MLLT3: variants seen among roughly 807,000 people sequenced by gnomAD.
MLLT3 encodes the protein MLLT3 super elongation complex subunit.
A neutral mutation model predicts 53.2 loss-of-function variants in MLLT3; 4 were observed. That is an observed-to-expected ratio of 0.08 (90% CI 0.04 to 0.17). MLLT3 has a LOEUF of 0.17. MLLT3 is among the 10% of genes least tolerant of loss of function. MLLT3 has a pLI of 1.00. For synonymous variants in MLLT3, 283 were observed against 230.6 expected (o/e 1.23, Z -2.06); for missense variants, 569 against 684.0 (o/e 0.83, Z 1.87).
chr9:20,560,178 T>G (rs1563817610), intron 2 of MLLT3, among the ~76,000 whole-genome samples: 1 of 151,956 alleles, frequency 6.6e-6, no homozygotes, highest in Admixed American at 6.6e-5. Flanking sequence ...GCCTGGGAAA[T>G]AGCAAAATAA....
intron 2 of MLLT3, among the ~76,000 whole-genome samples, chr9:20,566,363 G>A (rs1819378370): frequency 1.3e-5 from 2 of 151,944 alleles, no homozygotes; most frequent in Non-Finnish European, 2.9e-5. Context: ...AACACTTATT[G>A]TACCTATCAC....
At chr9:20,386,796 G>GAT (rs147493495) in intron 5 of MLLT3, among the ~76,000 whole-genome samples, 18 of 152,016 alleles carry the variant, frequency 1.2e-4, no homozygotes, top group South Asian at 2.1e-4. Context: ...CTATTTTCTG[G>GAT]ATATATATAT....
At chr9:20,519,156 C>T (rs571659385) in intron 2 of MLLT3, among the ~76,000 whole-genome samples, 4 of 152,098 alleles carry the variant, frequency 2.6e-5, no homozygotes, top group African/African-American at 7.2e-5. Flanking sequence ...ATGTGGTATC[C>T]TAGATTAGAT....
rs138807683 is a variant in MLLT3, at chr9:20,392,990, T to C, written c.1125+20731A>G. Among the ~76,000 whole-genome samples, 687 of 152,234 alleles carry C rather than the reference T, an allele frequency of 4.5e-3. 5 individuals carry two copies. Among genetic ancestry groups the C allele is most frequent in the Non-Finnish European group, 8.1e-3 (551 of 67,996 alleles). On this transcript the variant is annotated intron_variant, in intron 5 of 10. Coordinates refer to ENST00000380338, the MANE Select transcript of MLLT3 (RefSeq NM_004529.4). ...GACCAACATGATAAAACCCTGTCTC[T>C]ACTAAAAATACAAAATTAGCTGGGC...
At chr9:20,616,091 C>G (rs1820828109) in intron 2 of MLLT3, among the ~76,000 whole-genome samples, 1 of 152,026 alleles carries the variant, frequency 6.6e-6, no homozygotes, top group Non-Finnish European at 1.5e-5. Context: ...ATGCGTTCTT[C>G]AATTTGTAAG....
At chr9:20,576,300 GCA>G (rs1819652363) in intron 2 of MLLT3, among the ~76,000 whole-genome samples, 2 of 152,140 alleles carry the variant, frequency 1.3e-5, no homozygotes, top group East Asian at 3.9e-4. Flanking sequence ...CTCCATATCA[GCA>G]ATAAGGCTAT....
chr9:20,384,182 G>A (rs1196489863), intron 5 of MLLT3, among the ~76,000 whole-genome samples: 2 of 151,848 alleles, frequency 1.3e-5, no homozygotes, highest in Non-Finnish European at 2.9e-5. Context: ...GTAGTAAAAA[G>A]ACAAAAACAG....
chr9:20,426,599 T>C lies in MLLT3; in HGVS notation c.421-12174A>G, dbSNP rs138976607. 9.1e-3 allele frequency among the ~76,000 whole-genome samples: 1,384 copies of C among 152,220 alleles called. 22 individuals are homozygous for C. The highest frequency in any genetic ancestry group is 0.031 in the African/African-American group (1,291 of 41,552). On this transcript the variant is annotated intron_variant, in intron 4 of 10. Coordinates refer to ENST00000380338, the MANE Select transcript of MLLT3 (RefSeq NM_004529.4). ...TCTTGTTACCTTCTCTCAGTAGTTA[T>C]TTTATACATATTTATGAGGTCTCCA...
At chr9:20,569,667 G>A (rs988036050) in intron 2 of MLLT3, among the ~76,000 whole-genome samples, 1 of 152,120 alleles carries the variant, frequency 6.6e-6, no homozygotes, top group Non-Finnish European at 1.5e-5. Flanking sequence ...CGGTGTCCTT[G>A]GTATTTAGAA....
intron 10 of MLLT3, among the ~76,000 whole-genome samples, chr9:20,350,826 A>T (rs994071503): frequency 6.6e-6 from 1 of 152,166 alleles, no homozygotes; most frequent in East Asian, 1.9e-4. Context: ...CCCTTCCCCA[A>T]TTTTTAATTA....
intron 2 of MLLT3, among the ~76,000 whole-genome samples, chr9:20,533,863 G>C (rs1818407689): frequency 6.6e-6 from 1 of 152,178 alleles, no homozygotes; most frequent in African/African-American, 2.4e-5. Context: ...TAGAAGCAAA[G>C]AAAGGTTGTT....
chr9:20,536,145 T>C (rs1231385921), intron 2 of MLLT3, among the ~76,000 whole-genome samples: 1 of 151,954 alleles, frequency 6.6e-6, no homozygotes, highest in Non-Finnish European at 1.5e-5. Context: ...AATTCAGCCA[T>C]GCGACTACCA....
chr9:20,580,319 G>C (rs1327271854), intron 2 of MLLT3, among the ~76,000 whole-genome samples: 1 of 151,938 alleles, frequency 6.6e-6, no homozygotes, highest in Non-Finnish European at 1.5e-5. Flanking sequence ...ACAGTGATAA[G>C]AGTCCCATCT....
chr9:20,448,106 A>C lies in MLLT3; in HGVS notation c.420+17T>G. The stretch of plus-strand genomic sequence containing the variant: ...GTTTTTTAATAGGAATGCTTTTCAC[A>C]AGAGAGTGCCACTTACCCCTCCTGC... On this transcript the variant is annotated intron_variant, in intron 4 of 10. Transcript: ENST00000380338. The surrounding 1 kb of genome is among the most constrained non-coding windows in gnomAD (Gnocchi z 4.0). 5 of 1,601,124 alleles carry C rather than the reference A, an allele frequency of 3.1e-6. No individual in the cohort carries two copies. The highest frequency in any genetic ancestry group is 4.3e-6 in the Non-Finnish European group (5 of 1,175,494).
chr9:20,500,555 T>C (rs1475482246), intron 2 of MLLT3, among the ~76,000 whole-genome samples: 1 of 152,188 alleles, frequency 6.6e-6, no homozygotes, highest in East Asian at 1.9e-4. Context: ...CGGAAATCTT[T>C]GGAAAATTCA....
chr9:20,600,118 T>C (rs1820379855), intron 2 of MLLT3, among the ~76,000 whole-genome samples: 1 of 131,112 alleles, frequency 7.6e-6, no homozygotes, highest in South Asian at 2.6e-4. Context: ...TCACTTGCAA[T>C]GTTGTCCAAA....
chr9:20,439,231 C>T (rs1048645303), intron 4 of MLLT3, among the ~76,000 whole-genome samples: 1 of 152,068 alleles, frequency 6.6e-6, no homozygotes, highest in Admixed American at 6.6e-5. Flanking sequence ...TGGCGTACAT[C>T]TGTAGTCCCA....
intron 2 of MLLT3, among the ~76,000 whole-genome samples, chr9:20,552,337 T>C (rs1818944979): frequency 6.6e-6 from 1 of 152,186 alleles, no homozygotes; most frequent in African/African-American, 2.4e-5. Context: ...AAGGTAGAGT[T>C]CAGGTGCAAG....
intron 8 of MLLT3, 93 bp from the exon 9 acceptor site, chr9:20,354,972 T>C (rs1821133637): frequency 2.6e-6 from 2 of 765,760 alleles, no homozygotes; most frequent in Admixed American, 4.2e-5. Flanking sequence ...GAATGAAATG[T>C]ACAGTAACAT....
Sources: gnomAD v4.1 joint callset for allele counts (sites outside exome capture counted in the v4.1 genomes callset) on GRCh38, gnomAD v4.1.1 for gene constraint, Gnocchi (gnomAD v3.1) non-coding constraint, MANE v1.5 for transcripts, NCBI Gene and HGNC (gene_info 2026-07-23, HGNC 2026-07-21) for gene names.